Variants in FCHO2 observed in about 807,000 individuals in gnomAD.
FCHO2 encodes FCH and mu domain containing endocytic adaptor 2, also known as F-BAR domain only protein 2.
FCHO2 carries 43 observed loss-of-function variants against 114.1 expected under a neutral mutation model. The ratio of observed to expected loss-of-function variants is 0.38; its 90% CI spans 0.30 to 0.49. The LOEUF (loss-of-function observed/expected upper bound fraction) is 0.49, where lower values mean the gene tolerates loss of function less well. FCHO2 is among the 20% of genes least tolerant of loss of function. The pLI, the probability that FCHO2 is intolerant of heterozygous loss-of-function variation, is 0.97. For synonymous variants in FCHO2, 293 were observed against 315.2 expected (o/e 0.93, Z 0.75); for missense variants, 807 against 950.4 (o/e 0.85, Z 1.98).
Position 73,088,383 on chromosome 5 carries a change from A to G in FCHO2, c.*293A>G, listed in dbSNP as rs1285095357. On this transcript the variant is annotated 3_prime_UTR_variant, in exon 26 of 26. Coordinates refer to ENST00000430046, the MANE Select transcript of FCHO2 (RefSeq NM_138782.3). ...AATTTTTAAATTATTTCCAGTGTCT[A>G]TGTTGAAAAAAAGGGTTATAGTGTA... is the stretch of plus-strand genomic sequence containing the variant. The G allele has an allele frequency of 5.2e-6, 2 of 386,260 alleles. No homozygotes were observed. Among genetic ancestry groups the G allele is most frequent in the Non-Finnish European group, 9.5e-6 (2 of 211,298 alleles). The allele number at this position is 386,260 out of a possible 1,614,324, so 23.9% of individuals were successfully genotyped here.
chr5:72,997,218 C>T, intron 5 of FCHO2: 1 of 1,145,848 alleles, frequency 8.7e-7, no homozygotes, highest in Non-Finnish European at 1.3e-6. Context: ...GACAAACATC[C>T]TGTCCGTTTC....
chr5:72,956,587 G>C (rs1245409138), intron 1 of FCHO2, among the ~76,000 whole-genome samples: 1 of 152,166 alleles, frequency 6.6e-6, no homozygotes, highest in African/African-American at 2.4e-5. Flanking sequence ...CCATCTGAGC[G>C]ATCCCTTTTA....
chr5:72,980,761 G>A (rs190894330), intron 2 of FCHO2, among the ~76,000 whole-genome samples: 4 of 152,172 alleles, frequency 2.6e-5, no homozygotes, highest in Admixed American at 2.6e-4. Context: ...GACTAGGATT[G>A]CAACCCCTGC....
At chr5:73,044,807 T>C (rs975951260) in intron 11 of FCHO2, among the ~76,000 whole-genome samples, 2 of 152,182 alleles carry the variant, frequency 1.3e-5, no homozygotes, top group African/African-American at 2.4e-5. Context: ...ACCACTACTT[T>C]AGCCAGAGTA....
At chr5:73,047,095 G>A (rs1358742782) in intron 11 of FCHO2, among the ~76,000 whole-genome samples, 1 of 152,148 alleles carries the variant, frequency 6.6e-6, no homozygotes, top group Non-Finnish European at 1.5e-5. Context: ...AAAATTGCAA[G>A]AATGAAATAA....
chr5:73,038,233 C>T (rs1256150435), intron 10 of FCHO2: 3 of 152,180 alleles, frequency 2.0e-5, no homozygotes, highest in Non-Finnish European at 4.4e-5. Context: ...TGCCAGGTCC[C>T]ACCTCAGATC....
At chr5:73,004,622 A>G (rs533489251) in intron 5 of FCHO2, among the ~76,000 whole-genome samples, 6 of 150,310 alleles carry the variant, frequency 4.0e-5, no homozygotes, top group African/African-American at 1.5e-4. Context: ...CTACATTACT[A>G]CTACAGCTTT....
intron 18 of FCHO2, among the ~76,000 whole-genome samples, chr5:73,065,082 T>C (rs1439354142): frequency 2.0e-5 from 3 of 152,004 alleles, no homozygotes; most frequent in Non-Finnish European, 2.9e-5. Context: ...AGTGAATATA[T>C]TGAAAAGCTT....
intron 6 of FCHO2, among the ~76,000 whole-genome samples, chr5:73,013,091 C>T (rs1291999023): frequency 1.3e-5 from 2 of 152,174 alleles, no homozygotes; most frequent in African/African-American, 4.8e-5. Flanking sequence ...CTCCTCAGTT[C>T]TTGAGAGTAA....
chr5:73,082,035 A>G, intron 23 of FCHO2, 53 bp downstream of exon 23: 1 of 1,353,000 alleles, frequency 7.4e-7, no homozygotes. Context: ...TGCAATCCCC[A>G]ACTTCTAGAA....
chr5:73,007,808 G>A (rs1027443001), intron 6 of FCHO2, among the ~76,000 whole-genome samples: 3 of 152,162 alleles, frequency 2.0e-5, no homozygotes, highest in African/African-American at 7.2e-5. Context: ...ATTATTATAA[G>A]TATTGCAAAG....
chr5:72,979,624 C>G, intron 2 of FCHO2, among the ~76,000 whole-genome samples: 1 of 151,404 alleles, frequency 6.6e-6, no homozygotes, highest in Non-Finnish European at 1.5e-5. Flanking sequence ...ATCTCCTGAC[C>G]TCGTGATCCG....
chr5:73,032,826 T>C (rs774873589), intron 8 of FCHO2, among the ~76,000 whole-genome samples: 3 of 152,174 alleles, frequency 2.0e-5, no homozygotes, highest in Non-Finnish European at 4.4e-5. Context: ...ACATGCCTGA[T>C]TGCCTTTTTT....
intron 5 of FCHO2, among the ~76,000 whole-genome samples, chr5:73,004,755 T>G (rs2112710959): frequency 6.6e-6 from 1 of 152,326 alleles, no homozygotes; most frequent in South Asian, 2.1e-4. Flanking sequence ...AGTTACCTAC[T>G]GTCCAGTACA....
intron 19 of FCHO2, among the ~76,000 whole-genome samples, chr5:73,069,185 A>G (rs1259862532): frequency 1.3e-5 from 2 of 152,124 alleles, no homozygotes; most frequent in African/African-American, 2.4e-5. Flanking sequence ...ATATTTTTCC[A>G]CAAGAATTTC....
At chr5:72,973,408 A>G (rs1318678881) in intron 2 of FCHO2, among the ~76,000 whole-genome samples, 1 of 152,112 alleles carries the variant, frequency 6.6e-6, no homozygotes, top group Non-Finnish European at 1.5e-5. Context: ...CAGAGATTCA[A>G]CTTCTTCCTG....
At position 73,086,138 on chromosome 5, in the gene FCHO2, C is replaced by A. The variant is rs548207870; in HGVS notation, c.2246-1451C>A. Among the ~76,000 whole-genome samples the A allele has an allele frequency of 6.3e-4, 95 of 151,430 alleles. No individual in the cohort carries two copies. The Middle Eastern group carries it at 0.01, about 17-fold the overall frequency. ...GACTCTGTCTCAAAAAAAAAAAACA[C>A]AAAAAATTCTGTAAAATAGAAATCT... On this transcript the variant is annotated intron_variant, in intron 24 of 25. Coordinates refer to ENST00000430046, the MANE Select transcript of FCHO2 (RefSeq NM_138782.3).
chr5:73,014,396 C>T (rs1185952814), intron 6 of FCHO2, among the ~76,000 whole-genome samples: 2 of 150,234 alleles, frequency 1.3e-5, no homozygotes, highest in Admixed American at 1.3e-4. Flanking sequence ...TCAAGCGATT[C>T]TCCTGCCTCA....
rs761998619 is a variant in FCHO2, at chr5:73,078,240, A to C, written c.1908A>C (p.Thr636=). Residue 636 remains threonine (T), a synonymous_variant, in exon 22 of 26, where the codon ACA becomes ACC. Coordinates refer to ENST00000430046, the MANE Select transcript of FCHO2 (RefSeq NM_138782.3). ...TTTGGATGAACATGCAAGCTGTTACAGTCTACCTCAAGAAGCTGTCAGAGC... is the reference window on the plus strand; with the variant it reads ...TTTGGATGAACATGCAAGCTGTTACCGTCTACCTCAAGAAGCTGTCAGAGC... ...KDFWMNMQAV[T]VYLKKLSEQN... The C allele has an allele frequency of 6.3e-7, 1 of 1,591,992 alleles. No homozygotes were observed. The highest frequency in any genetic ancestry group is 8.6e-7 in the Non-Finnish European group (1 of 1,168,608).
Sources: allele counts gnomAD v4.1 joint callset (sites outside exome capture counted in the v4.1 genomes callset), GRCh38; gene constraint gnomAD v4.1.1; transcripts MANE v1.5; gene names NCBI Gene and HGNC (gene_info 2026-07-23, HGNC 2026-07-21).